The following SAMD5 variants were observed in gnomAD, a reference collection of about 807,000 sequenced individuals.
The protein encoded by SAMD5 is sterile alpha motif domain containing 5.
A neutral mutation model predicts 11.3 loss-of-function variants in SAMD5; 13 were observed. That is an observed-to-expected ratio of 1.15 (90% CI 0.75 to 1.83). The LOEUF (loss-of-function observed/expected upper bound fraction) is 1.83. Ranked by LOEUF, SAMD5 falls within the 40% of genes most tolerant of loss-of-function variation. SAMD5 has a pLI of 0.00. For synonymous variants in SAMD5, 129 were observed against 111.3 expected, an observed-to-expected ratio of 1.16 and a Z score of -1.00; for missense variants, 255 against 239.1, an observed-to-expected ratio of 1.07 and a Z score of -0.44.
chr6:147,790,048 C>T, the SAMD5 span, among the ~76,000 whole-genome samples: 12 of 152,204 alleles, frequency 7.9e-5, no homozygotes, highest in Non-Finnish European at 1.2e-4. Context: ...AGAGAGTAGC[C>T]GTATGATCCA....
At chr6:147,855,275 A>G in the SAMD5 span, among the ~76,000 whole-genome samples, 1 of 152,182 alleles carries the variant, frequency 6.6e-6, no homozygotes, top group African/African-American at 2.4e-5. Flanking sequence ...TATAATAACC[A>G]TATCAAGAAT....
rs181923038 is a variant in SAMD5, at chr6:147,648,871, C to A, written c.163-88446C>A. ...CTGGCCAATGATGCTTCACTATATA[C>A]ATTTAATTACCATAAAAACTTGATA... On this transcript the variant is annotated intron_variant, in intron 1 of 1. Coordinates refer to the SAMD5 transcript ENST00000566741. Among the ~76,000 whole-genome samples, 3 of 152,348 alleles carry A rather than the reference C, an allele frequency of 2.0e-5. No homozygotes were observed. In the East Asian group the frequency reaches 5.8e-4, roughly 29 times the overall value.
intron 1 of SAMD5, among the ~76,000 whole-genome samples, chr6:147,625,422 A>G (rs1770101374): frequency 6.6e-6 from 1 of 152,226 alleles, no homozygotes; most frequent in African/African-American, 2.4e-5. Flanking sequence ...AAGTCATATT[A>G]TTAGGTGAGC....
At chr6:147,553,684 C>T (rs113912533) in intron 1 of SAMD5, among the ~76,000 whole-genome samples, 7 of 152,250 alleles carry the variant, frequency 4.6e-5, no homozygotes, top group Admixed American at 1.3e-4. Context: ...GTCCTATTTA[C>T]GTGTTTTCCT....
At chr6:147,799,688 C>T in the SAMD5 span, among the ~76,000 whole-genome samples, 3 of 151,022 alleles carry the variant, frequency 2.0e-5, no homozygotes, top group East Asian at 1.9e-4. Flanking sequence ...CCATTCTCCC[C>T]ATCACTTTCA....
chr6:147,938,792 C>T, the SAMD5 span, among the ~76,000 whole-genome samples: 1 of 152,168 alleles, frequency 6.6e-6, no homozygotes, highest in Non-Finnish European at 1.5e-5. Flanking sequence ...GAGTGGTCGA[C>T]TTGGTATGTA....
At chr6:147,752,305 T>A in the SAMD5 span, among the ~76,000 whole-genome samples, 1 of 152,194 alleles carries the variant, frequency 6.6e-6, no homozygotes, top group Admixed American at 6.5e-5. Context: ...AACGCAATCG[T>A]GTTTCATTGT....
intron 1 of SAMD5, among the ~76,000 whole-genome samples, chr6:147,620,687 T>A (rs1171364506): frequency 1.3e-5 from 2 of 152,142 alleles, no homozygotes; most frequent in African/African-American, 4.8e-5. Context: ...TGCTGGGAGT[T>A]GAAGGCAGGT....
chr6:147,681,090 AGT>A (rs1300592859), intron 1 of SAMD5, among the ~76,000 whole-genome samples: 1 of 152,148 alleles, frequency 6.6e-6, no homozygotes, highest in African/African-American at 2.4e-5. Flanking sequence ...TTAAGTGTTT[AGT>A]ACAGTTTACC....
chr6:147,772,277 G>A, the SAMD5 span, among the ~76,000 whole-genome samples: 4 of 152,134 alleles, frequency 2.6e-5, no homozygotes, highest in African/African-American at 7.2e-5. Flanking sequence ...GAGAGCACTT[G>A]TAGAACTTTT....
chr6:147,551,815 TATA>T (rs1788777378), intron 1 of SAMD5, among the ~76,000 whole-genome samples: 5 of 133,134 alleles, frequency 3.8e-5, no homozygotes, highest in East Asian at 2.0e-4. Context: ...ATATATGTTA[TATA>T]TATATATATA....
intron 1 of SAMD5, among the ~76,000 whole-genome samples, chr6:147,694,649 T>C (rs907127545): frequency 1.3e-5 from 2 of 152,054 alleles, no homozygotes; most frequent in Non-Finnish European, 2.9e-5. Flanking sequence ...AGACCTAGTC[T>C]CTACAAAAAA....
the SAMD5 span, among the ~76,000 whole-genome samples, chr6:147,788,365 T>G: frequency 6.6e-6 from 1 of 152,178 alleles, no homozygotes; most frequent in African/African-American, 2.4e-5. Context: ...CTTTCTTGAA[T>G]AAAACATCAT....
At chr6:147,870,111 G>T in the SAMD5 span, among the ~76,000 whole-genome samples, 1 of 152,012 alleles carries the variant, frequency 6.6e-6, no homozygotes, top group South Asian at 2.1e-4. Context: ...ACATCTCAAG[G>T]CTAATGAGCC....
chr6:147,521,112 T>G (rs2128440017), intron 1 of SAMD5, among the ~76,000 whole-genome samples: 1 of 152,070 alleles, frequency 6.6e-6, no homozygotes, highest in South Asian at 2.1e-4. Flanking sequence ...GCATGAAATC[T>G]TACCCATGTT....
chr6:147,576,778 A>G (rs1328023446), intron 1 of SAMD5, among the ~76,000 whole-genome samples: 4 of 152,238 alleles, frequency 2.6e-5, no homozygotes, highest in African/African-American at 7.2e-5. Context: ...TATAAAACAA[A>G]GACTTGCTAT....
chr6:147,684,199 G>GT (rs1277219947), intron 1 of SAMD5, among the ~76,000 whole-genome samples: 3 of 152,134 alleles, frequency 2.0e-5, no homozygotes, highest in Admixed American at 1.3e-4. Context: ...GGATTTCAAT[G>GT]GTCTGTATTT....
At chr6:147,919,707 G>A in the SAMD5 span, among the ~76,000 whole-genome samples, 1 of 152,178 alleles carries the variant, frequency 6.6e-6, no homozygotes, top group Admixed American at 6.5e-5. Flanking sequence ...CTTGAGTTTT[G>A]TCTTGACTTT....
chr6:147,899,574 G>C, the SAMD5 span, among the ~76,000 whole-genome samples: 1 of 152,164 alleles, frequency 6.6e-6, no homozygotes, highest in African/African-American at 2.4e-5. Context: ...AGCATCCTTC[G>C]AGAAGGCATG....
Sources: allele counts gnomAD v4.1 joint callset (sites outside exome capture counted in the v4.1 genomes callset), GRCh38; gene constraint gnomAD v4.1.1; transcripts MANE v1.5; gene names NCBI Gene and HGNC (gene_info 2026-07-23, HGNC 2026-07-21).